Variants in CENPP observed in about 807,000 individuals in gnomAD.
CENPP encodes centromere protein P.
Under a neutral mutation model 35.6 loss-of-function variants are expected in CENPP, and 24 were observed. The observed-to-expected ratio is 0.67, with a 90% CI of 0.49 to 0.95. CENPP has a LOEUF of 0.95. Ranked by LOEUF, CENPP falls within the 40% of genes least tolerant of loss-of-function variation. CENPP has a pLI of 0.00. For missense variants in CENPP, 332 were observed against 345.3 expected (o/e 0.96, Z 0.31); for synonymous variants, 120 against 125.5 (o/e 0.96, Z 0.29).
At chr9:92,414,324 C>G (rs1843525231) in intron 5 of CENPP, 1 of 194,622 alleles carries the variant, frequency 5.1e-6, no homozygotes, top group African/African-American at 2.3e-5. Flanking sequence ...CTTTGCAAAT[C>G]ATTTTGTAAC....
At chr9:92,362,328 T>C (rs554477150) in intron 4 of CENPP, among the ~76,000 whole-genome samples, 23 of 152,324 alleles carry the variant, frequency 1.5e-4, no homozygotes, top group South Asian at 4.1e-4. Flanking sequence ...ATCAAGCTAC[T>C]GCATTCCAGC....
chr9:92,462,490 T>A (rs1845151684), intron 5 of CENPP, among the ~76,000 whole-genome samples: 1 of 152,210 alleles, frequency 6.6e-6, no homozygotes, highest in African/African-American at 2.4e-5. Flanking sequence ...TACAAAGTAT[T>A]ATTTGTCAAC....
intron 5 of CENPP, among the ~76,000 whole-genome samples, chr9:92,442,424 C>CAA (rs146138029): frequency 1.2e-4 from 16 of 135,502 alleles, no homozygotes; most frequent in South Asian, 4.8e-4. Flanking sequence ...AAAGAAAAAA[C>CAA]AAAAAAAAAC....
intron 4 of CENPP, among the ~76,000 whole-genome samples, chr9:92,373,433 T>C: frequency 6.6e-6 from 1 of 152,192 alleles, no homozygotes; most frequent in East Asian, 1.9e-4. Context: ...CTTTTAAAAA[T>C]ACCAATCTCT....
chr9:92,543,983 A>G (rs1313399462), intron 5 of CENPP, among the ~76,000 whole-genome samples: 4 of 152,214 alleles, frequency 2.6e-5, no homozygotes, highest in African/African-American at 9.6e-5. Flanking sequence ...CTGCAAACAG[A>G]GAAAATGTAC....
chr9:92,596,445 CAAAAAAA>C (rs60383394), intron 5 of CENPP, among the ~76,000 whole-genome samples: 6 of 72,010 alleles, frequency 8.3e-5, no homozygotes, highest in East Asian at 3.5e-4. Flanking sequence ...GACCCTGTGT[CAAAAAAA>C]AAAAAAAAAA....
chr9:92,540,754 G>C (rs1358970996), intron 5 of CENPP, among the ~76,000 whole-genome samples: 1 of 146,336 alleles, frequency 6.8e-6, no homozygotes, highest in African/African-American at 2.7e-5. Context: ...CTGGGCAACA[G>C]AGCACGACTC....
At chr9:92,508,854 A>C (rs548625728) in intron 5 of CENPP, among the ~76,000 whole-genome samples, 22 of 152,268 alleles carry the variant, frequency 1.4e-4, no homozygotes, top group Admixed American at 1.2e-3. Flanking sequence ...AATAAATAAC[A>C]TAATAAATAA....
intron 5 of CENPP, among the ~76,000 whole-genome samples, chr9:92,608,622 C>A (rs949544549): frequency 6.6e-6 from 1 of 152,150 alleles, no homozygotes; most frequent in Non-Finnish European, 1.5e-5. Context: ...GCCAATGAGA[C>A]CCATCCTTTC....
At chr9:92,431,787 G>T (rs1458026571) in intron 5 of CENPP, among the ~76,000 whole-genome samples, 1 of 151,956 alleles carries the variant, frequency 6.6e-6, no homozygotes, top group Non-Finnish European at 1.5e-5. Context: ...ATTGGCTAGG[G>T]TGGTCTCAAA....
rs921954578 is a variant in CENPP at position 92,618,445 on chromosome 9, T to C, written c.*5296T>C. 1.3e-5 allele frequency: 6 copies of C among 456,582 alleles called. No homozygotes were observed. 28.3% of individuals were successfully genotyped at this position (456,582 alleles called of 1,614,324 possible). ...GGTGCTAGACGAGGTGAGTAACATG[T>C]CTGTCCTTCAGCGGCCTTTCACAGC... is the stretch of plus-strand genomic sequence containing the variant. On this transcript the variant is annotated 3_prime_UTR_variant, in exon 8 of 8. Transcript: ENST00000375587.
intron 5 of CENPP, among the ~76,000 whole-genome samples, chr9:92,562,366 A>C (rs1849870278): frequency 6.6e-6 from 1 of 151,714 alleles, no homozygotes; most frequent in Admixed American, 6.6e-5. Flanking sequence ...CACCACGCCC[A>C]GCTAATTTTT....
chr9:92,549,646 C>CAAAAAAAAA (rs377339429), intron 5 of CENPP, among the ~76,000 whole-genome samples: 3 of 90,608 alleles, frequency 3.3e-5, no homozygotes, highest in African/African-American at 6.7e-5. Flanking sequence ...GACTCCGTCT[C>CAAAAAAAAA]AAAAAAAAAA....
chr9:92,608,237 G>A (rs546967118), intron 5 of CENPP, among the ~76,000 whole-genome samples: 4 of 152,304 alleles, frequency 2.6e-5, no homozygotes, highest in Non-Finnish European at 4.4e-5. Context: ...AATGTCCCAC[G>A]GGGGCTCAGC....
At chr9:92,518,878 G>T (rs1847890902) in intron 5 of CENPP, among the ~76,000 whole-genome samples, 1 of 152,144 alleles carries the variant, frequency 6.6e-6, no homozygotes, top group Non-Finnish European at 1.5e-5. Flanking sequence ...GACAGAGCAA[G>T]ACTGTCCCTA....
intron 5 of CENPP, among the ~76,000 whole-genome samples, chr9:92,473,852 G>A (rs1845614239): frequency 2.0e-5 from 3 of 152,334 alleles, no homozygotes; most frequent in African/African-American, 2.4e-5. Context: ...TAGGAAGCAC[G>A]TCTAATGCTT....
intron 5 of CENPP, among the ~76,000 whole-genome samples, chr9:92,467,819 G>T (rs970379018): frequency 6.6e-6 from 1 of 152,094 alleles, no homozygotes; most frequent in Non-Finnish European, 1.5e-5. Context: ...ACCAAGAAAG[G>T]GTAAGCCTAG....
chr9:92,522,490 C>T, intron 5 of CENPP: 65 of 1,221,942 alleles, frequency 5.3e-5, no homozygotes, highest in South Asian at 3.0e-4. Flanking sequence ...AGATGTTCTC[C>T]CTCTCTCCCT....
At chr9:92,611,082 T>C in intron 5 of CENPP, 9 of 593,430 alleles carry the variant, frequency 1.5e-5, no homozygotes, top group Non-Finnish European at 2.4e-5. Context: ...TTATGTACAA[T>C]GTTCATGATG....
Sources: allele counts gnomAD v4.1 joint callset (sites outside exome capture counted in the v4.1 genomes callset), GRCh38; gene constraint gnomAD v4.1.1; transcripts MANE v1.5; gene names NCBI Gene and HGNC (gene_info 2026-07-23, HGNC 2026-07-21).